The following SRSF4 variants were observed in gnomAD, a reference collection of about 807,000 sequenced individuals.
The protein encoded by SRSF4 is serine/arginine-rich splicing factor 4.
Under a neutral mutation model 48.8 loss-of-function variants are expected in SRSF4, and 12 were observed. The observed-to-expected ratio is 0.25, with a 90% confidence interval of 0.16 to 0.40. The LOEUF is 0.40. Ranked by LOEUF, SRSF4 falls within the 10% of genes least tolerant of loss-of-function variation. The pLI is 1.00. For synonymous variants in SRSF4, 248 were observed against 232.5 expected, an observed-to-expected ratio of 1.07 and a Z score of -0.61; for missense variants, 466 against 667.1, an observed-to-expected ratio of 0.70 and a Z score of 3.32.
At position 29,181,764 on chromosome 1, in the gene SRSF4, C is replaced by T; in HGVS notation, c.-12G>A. 6.4e-7 allele frequency: 1 copy of T among 1,568,532 alleles called. No homozygotes were observed. Among genetic ancestry groups the T allele is most frequent in the Non-Finnish European group, 8.6e-7 (1 of 1,162,622 alleles). ...TACACCCGCGGCATCCCGGCAACGG[C>T]AGTGATGGCTGGCCCCGGCCCCAGC... is the stretch of plus-strand genomic sequence containing the variant. On this transcript the variant is annotated 5_prime_UTR_variant, in exon 1 of 6. Transcript: ENST00000373795.
chr1:29,179,763 C>G (rs1477186748), intron 1 of SRSF4, among the ~76,000 whole-genome samples: 1 of 152,148 alleles, frequency 6.6e-6, no homozygotes, highest in South Asian at 2.1e-4. Flanking sequence ...GAGTTTAAAG[C>G]GAAAGCAAAC....
chr1:29,154,942 GAT>G lies in SRSF4; in HGVS notation c.364-34_364-33del, dbSNP rs778194704. ...AAAAAAAAAAGTGTGACTACATTAG[GAT>G]ATGTTTTGCTAAAATATCTAATGCA... On this transcript the variant is annotated intron_variant, in intron 3 of 5. Transcript: ENST00000373795. The G allele has an allele frequency of 1.1e-5, 17 of 1,578,652 alleles. No homozygotes were observed. The South Asian group carries it at 1.2e-4, about 11-fold the overall frequency.
At chr1:29,157,811 A>G (rs1192674815) in intron 3 of SRSF4, among the ~76,000 whole-genome samples, 2 of 152,200 alleles carry the variant, frequency 1.3e-5, no homozygotes, top group African/African-American at 4.8e-5. Flanking sequence ...GCATCCTCCT[A>G]AGACCATTCA....
intron 1 of SRSF4, chr1:29,170,910 C>T (rs1172053834): frequency 6.6e-6 from 1 of 152,194 alleles, no homozygotes; most frequent in Admixed American, 6.5e-5. Flanking sequence ...AATAAAGTGC[C>T]TTTCAAGCGC....
intron 2 of SRSF4, 113 bp from the exon 3 acceptor site, chr1:29,159,599 C>G (rs372875484): frequency 1.8e-6 from 1 of 561,928 alleles, no homozygotes; most frequent in African/African-American, 1.9e-5. Flanking sequence ...AACAATAGCA[C>G]GTTTTAACTC....
intron 1 of SRSF4, among the ~76,000 whole-genome samples, chr1:29,174,092 G>A (rs1203035530): frequency 6.6e-6 from 1 of 151,748 alleles, no homozygotes; most frequent in African/African-American, 2.4e-5. Flanking sequence ...GGGAGGCTGA[G>A]GCAGGAGAAC....
chr1:29,175,249 C>CA (rs1333260054), intron 1 of SRSF4, among the ~76,000 whole-genome samples: 1 of 151,202 alleles, frequency 6.6e-6, no homozygotes, highest in African/African-American at 2.4e-5. Flanking sequence ...CCCGTTTCTA[C>CA]AAAAAATACA....
At position 29,160,234 on chromosome 1, in the gene SRSF4, C is replaced by T. The variant is rs1574194346; in HGVS notation, c.250+141G>A. 5.0e-6 allele frequency: 5 copies of T among 1,004,934 alleles called. No individual in the cohort carries two copies. The East Asian group carries it at 1.2e-4, about 24-fold the overall frequency. 62.3% of individuals were successfully genotyped at this position (1,004,934 alleles called of 1,614,324 possible). A position where few individuals can be genotyped will look rare whatever the true frequency, so the allele number is the denominator to read the frequency against. On this transcript the variant is annotated intron_variant, in intron 2 of 5. Coordinates refer to ENST00000373795, the MANE Select transcript of SRSF4 (RefSeq NM_005626.5). ...CATTATCAAAGGCTTATTTGTAATT[C>T]TACATTTTTAAAAAAGATACATAAT... is the stretch of plus-strand genomic sequence containing the variant.
Position 29,148,801 on chromosome 1 carries a change from C to G in SRSF4, c.1094G>C (p.Arg365Pro), listed in dbSNP as rs763691240. 1.2e-6 allele frequency: 2 copies of G among 1,609,878 alleles called. No individual in the cohort carries two copies. The highest frequency in any genetic ancestry group is 1.1e-5 in the South Asian group (1 of 90,808). ...KGRKRSREESRSRSRSRSKSE... is the reference protein window; with the variant it reads ...KGRKRSREESPSRSRSRSKSE... ...CTTGCTGCGGCTGCGACTGCGACTG[C>G]GGCTCTCCTCTCTGCTTCTCTTCCT... The change falls in exon 6 of 6, where the codon CGC (arginine) becomes CCC (proline). Residue 365 changes from arginine (R) to proline (P), a missense_variant. Coordinates refer to ENST00000373795, the MANE Select transcript of SRSF4 (RefSeq NM_005626.5).
chr1:29,175,035 T>C (rs1446082455), intron 1 of SRSF4, among the ~76,000 whole-genome samples: 1 of 150,038 alleles, frequency 6.7e-6, no homozygotes, highest in African/African-American at 2.4e-5. Context: ...TGCGTGCACA[T>C]GCCCATACCT....
chr1:29,148,687 T>C lies in SRSF4; in HGVS notation c.1208A>G (p.Gln403Arg). 1 of 1,614,140 alleles carries C rather than the reference T, an allele frequency of 6.2e-7. No individual in the cohort carries two copies. The highest frequency in any genetic ancestry group is 8.5e-7 in the Non-Finnish European group (1 of 1,180,034). Reference protein sequence around the residue: ...KKKKEDTDRSQSRSPSRSVSK... With the variant: ...KKKKEDTDRSRSRSPSRSVSK... ...CACGGAGCGGGATGGAGATCTGGAC[T>C]GGGAGCGGTCAGTGTCTTCCTTCTT... Residue 403 changes from glutamine (Q) to arginine (R), a missense_variant, in exon 6 of 6, where the codon CAG becomes CGG. Transcript: ENST00000373795.
chr1:29,173,455 T>G (rs1047078331), intron 1 of SRSF4: 3 of 129,570 alleles, frequency 2.3e-5, no homozygotes, highest in African/African-American at 8.7e-5. Context: ...AAAAAGTTGT[T>G]TTTTTTTTTT....
In SRSF4 at chr1:29,149,052, G is replaced by C; in HGVS notation, c.843C>G (p.Asp281Glu). Reference sequence around the variant, plus strand: ...TCCGGCTCTTGGGTTTCCCGACATTGTCATTGTTTTGGATCTTCTCTTCAG... The same window carrying C: ...TCCGGCTCTTGGGTTTCCCGACATTCTCATTGTTTTGGATCTTCTCTTCAG... Reference protein sequence around the residue: ...DQAEEKIQNNDNVGKPKSRSP... With the variant: ...DQAEEKIQNNENVGKPKSRSP... Residue 281 changes from aspartate (D) to glutamate (E), a missense_variant, in exon 6 of 6, where the codon GAC becomes GAG. Physicochemically the swap from Asp to Glu is conservative, Grantham distance 45. Coordinates refer to ENST00000373795, the MANE Select transcript of SRSF4 (RefSeq NM_005626.5). The C allele has an allele frequency of 6.2e-7, 1 of 1,613,188 alleles. No individual in the cohort carries two copies.
Position 29,154,916 on chromosome 1 carries a change from G to GAA in SRSF4, c.364-8_364-7dup. The GAA allele has an allele frequency of 2.7e-6, 4 of 1,478,066 alleles. No individual in the cohort carries two copies. Among genetic ancestry groups the GAA allele is most frequent in the Admixed American group, 2.1e-5 (1 of 48,256 alleles). 91.6% of individuals were successfully genotyped at this position (1,478,066 alleles called of 1,614,324 possible). A position where few individuals can be genotyped will look rare whatever the true frequency, so the allele number is the denominator to read the frequency against. On this transcript the variant is annotated splice_region_variant and splice_polypyrimidine_tract_variant and intron_variant, in intron 3 of 5. Coordinates refer to ENST00000373795, the MANE Select transcript of SRSF4 (RefSeq NM_005626.5). ...CCTGCCTGACGCATATAATCCTGAA[G>GAA]AAAAAAAAAAGTGTGACTACATTAG...
Position 29,148,213 on chromosome 1 carries a change from T to A in SRSF4, c.*197A>T. 1.2e-6 allele frequency: 1 copy of A among 805,352 alleles called. No individual in the cohort carries two copies. The highest frequency in any genetic ancestry group is 1.5e-5 in the South Asian group (1 of 68,612). 49.9% of individuals were successfully genotyped at this position (805,352 alleles called of 1,614,324 possible). A position where few individuals can be genotyped will look rare whatever the true frequency, so the allele number is the denominator to read the frequency against. ...AAAAGGGGATTTTCAAAGAGAAAAT[T>A]TTTTTCAGTCGAGCAGGAAGGCCTG... On this transcript the variant is annotated 3_prime_UTR_variant, in exon 6 of 6. Transcript: ENST00000373795.
Position 29,154,905 on chromosome 1 carries a change from A to G in SRSF4, c.369T>C (p.Tyr123=), listed in dbSNP as rs1672474028. 1.9e-6 allele frequency: 3 copies of G among 1,612,220 alleles called. No homozygotes were observed. The highest frequency in any genetic ancestry group is 2.5e-6 in the Non-Finnish European group (3 of 1,179,564). The part of the protein sequence containing the change: ...SRCSWQDLKD[Y]MRQAGEVTYA... The stretch of plus-strand genomic sequence containing the variant: ...AAGTCACTTCTCCTGCCTGACGCAT[A>G]TAATCCTGAAGAAAAAAAAAAGTGT... The change falls in exon 4 of 6, where the codon TAT becomes TAC. Residue 123 remains tyrosine (Y), a synonymous_variant. Coordinates refer to ENST00000373795, the MANE Select transcript of SRSF4 (RefSeq NM_005626.5).
At chr1:29,169,486 G>A (rs1469637352) in intron 1 of SRSF4, 2 of 152,214 alleles carry the variant, frequency 1.3e-5, no homozygotes, top group Admixed American at 1.3e-4. Context: ...CATGTGATGT[G>A]TGTGTGCTAA....
At chr1:29,169,741 A>T (rs1672721390) in intron 1 of SRSF4, 1 of 152,242 alleles carries the variant, frequency 6.6e-6, no homozygotes, top group Non-Finnish European at 1.5e-5. Context: ...CATGGTATTG[A>T]GTCCACATTG....
At chr1:29,176,097 A>G (rs1014071416) in intron 1 of SRSF4, among the ~76,000 whole-genome samples, 1 of 151,906 alleles carries the variant, frequency 6.6e-6, no homozygotes, top group Non-Finnish European at 1.5e-5. Flanking sequence ...CTAAAAATAC[A>G]AAAAATTAGC....
Sources: gnomAD v4.1 joint callset for allele counts (sites outside exome capture counted in the v4.1 genomes callset) on GRCh38, gnomAD v4.1.1 for gene constraint, MANE v1.5 for transcripts, NCBI Gene and HGNC (gene_info 2026-07-23, HGNC 2026-07-21) for gene names.